The following RAB3B variants were observed in gnomAD, a reference collection of about 807,000 sequenced individuals.
The protein encoded by RAB3B is RAB3B, member RAS oncogene family.
Under a neutral mutation model 20.5 loss-of-function variants are expected in RAB3B, and 11 were observed. That is an observed-to-expected ratio of 0.54 (90% CI 0.34 to 0.89). RAB3B has a LOEUF of 0.89. RAB3B is among the 40% of genes least tolerant of loss of function. The probability of loss-of-function intolerance (pLI) is 0.02; values close to 1 mark genes in which losing one functional copy is unlikely to be tolerated. For missense variants in RAB3B, 225 were observed against 280.9 expected (o/e 0.80, Z 1.42); for synonymous variants, 99 against 106.3 (o/e 0.93, Z 0.42).
intron 4 of RAB3B, among the ~76,000 whole-genome samples, chr1:51,920,336 C>T (rs1684155690): frequency 1.3e-5 from 2 of 152,164 alleles, no homozygotes; most frequent in Non-Finnish European, 2.9e-5. Flanking sequence ...CTACCACCGC[C>T]CAGCTGTTTA....
At position 51,949,398 on chromosome 1, in the gene RAB3B, CAGA is replaced by C. The variant is rs200861088; in HGVS notation, c.229-11989_229-11987del. Among the ~76,000 whole-genome samples the C allele has an allele frequency of 4.3e-4, 66 of 152,334 alleles. 1 individual carries two copies. In the East Asian group the frequency reaches 0.012, roughly 27 times the overall value. On this transcript the variant is annotated intron_variant, in intron 2 of 4. Coordinates refer to ENST00000371655, the MANE Select transcript of RAB3B (RefSeq NM_002867.4). The stretch of plus-strand genomic sequence containing the variant: ...TTTCTCAGTCACTTTGCCAGGCTCA[CAGA>C]AGGAGACACCCCATCAACTCTGGCC...
At chr1:51,989,576 C>G (rs561674098) in intron 1 of RAB3B, among the ~76,000 whole-genome samples, 1 of 151,740 alleles carries the variant, frequency 6.6e-6, no homozygotes, top group African/African-American at 2.4e-5. Context: ...GCCCCACCAC[C>G]CTATCTATAC....
chr1:51,966,140 T>G (rs10888744), intron 2 of RAB3B, among the ~76,000 whole-genome samples: 43,910 of 151,984 alleles, frequency 0.29, 6,642 homozygotes, highest in East Asian at 0.5. Context: ...ACACAAAGGG[T>G]CCTTGAAAGC....
At chr1:51,985,144 C>T (rs1164771755) in intron 1 of RAB3B, among the ~76,000 whole-genome samples, 1 of 152,182 alleles carries the variant, frequency 6.6e-6, no homozygotes, top group African/African-American at 2.4e-5. Context: ...CGTAAACAAT[C>T]TGACACAGTT....
In RAB3B at chr1:51,911,230, G is replaced by A. The variant is rs1234361619; in HGVS notation, c.*8697C>T. The A allele has an allele frequency of 3.9e-5, 6 of 152,174 alleles. No individual in the cohort carries two copies. Among genetic ancestry groups the A allele is most frequent in the Non-Finnish European group, 8.8e-5 (6 of 68,042 alleles). 9.4% of individuals were successfully genotyped at this position (152,174 alleles called of 1,614,324 possible). ...GCCTGTGCTGTCATCAGTGTCCATG[G>A]AGAACTGCTTCTCACCTTGAGAAAT... On this transcript the variant is annotated 3_prime_UTR_variant, in exon 5 of 5. Coordinates refer to ENST00000371655, the MANE Select transcript of RAB3B (RefSeq NM_002867.4).
At chr1:51,941,164 A>G (rs191492643) in intron 2 of RAB3B, among the ~76,000 whole-genome samples, 1 of 152,174 alleles carries the variant, frequency 6.6e-6, no homozygotes, top group East Asian at 1.9e-4. Context: ...CAAGCAGAAA[A>G]GTAAAGGAGT....
At chr1:51,936,829 T>G (rs1203993540) in intron 3 of RAB3B, among the ~76,000 whole-genome samples, 2 of 152,032 alleles carry the variant, frequency 1.3e-5, no homozygotes, top group Non-Finnish European at 2.9e-5. Context: ...TTTTTTTTTT[T>G]TTAAGATAGA....
intron 1 of RAB3B, among the ~76,000 whole-genome samples, chr1:51,981,483 C>T (rs1180251510): frequency 6.6e-6 from 1 of 152,132 alleles, no homozygotes; most frequent in African/African-American, 2.4e-5. Flanking sequence ...CAGAGATAGC[C>T]CTTGCATATA....
chr1:51,949,775 C>T (rs1051505647), intron 2 of RAB3B, among the ~76,000 whole-genome samples: 6 of 152,222 alleles, frequency 3.9e-5, no homozygotes, highest in South Asian at 2.1e-4. Context: ...CCCACAGCTC[C>T]GGGACTGGCT....
chr1:51,922,510 C>A (rs1684185636), intron 4 of RAB3B, among the ~76,000 whole-genome samples: 1 of 152,088 alleles, frequency 6.6e-6, no homozygotes, highest in African/African-American at 2.4e-5. Context: ...AAAATTAAAT[C>A]CATGAAAGTA....
At chr1:51,964,520 C>T (rs1488510905) in intron 2 of RAB3B, among the ~76,000 whole-genome samples, 1 of 152,004 alleles carries the variant, frequency 6.6e-6, no homozygotes, top group Non-Finnish European at 1.5e-5. Context: ...ACTCATTTAT[C>T]CAACTGCTTA....
chr1:51,976,839 G>T (rs1222612177), intron 2 of RAB3B, 51 bp downstream of exon 2: 5 of 1,531,130 alleles, frequency 3.3e-6, no homozygotes, highest in Non-Finnish European at 3.6e-6. Flanking sequence ...CCTTGTACTG[G>T]CAGGCCAGCC....
chr1:51,971,579 C>G (rs947044714), intron 2 of RAB3B, among the ~76,000 whole-genome samples: 25 of 151,972 alleles, frequency 1.6e-4, no homozygotes, highest in African/African-American at 6.0e-4. Flanking sequence ...ATTACAGGAG[C>G]CTGCCACCAC....
chr1:51,960,593 A>G (rs193177315), intron 2 of RAB3B, among the ~76,000 whole-genome samples: 8 of 152,216 alleles, frequency 5.3e-5, no homozygotes. Flanking sequence ...CCTCAGTTGA[A>G]TGGCCTCCCC....
Position 51,977,121 on chromosome 1 carries a change from C to A in RAB3B, c.1-4G>T, listed in dbSNP as rs912010495. On this transcript the variant is annotated splice_polypyrimidine_tract_variant and splice_region_variant and intron_variant, in intron 1 of 4. Transcript: ENST00000371655. ...TACCATCTGTCACTGAAGCCATCTGCAAGAGAGACCTAGAGTCACTCAGGA... is the reference window on the plus strand; with the variant it reads ...TACCATCTGTCACTGAAGCCATCTGAAAGAGAGACCTAGAGTCACTCAGGA... The A allele has an allele frequency of 1.9e-6, 3 of 1,612,362 alleles. No homozygotes were observed. In the Admixed American group the frequency reaches 5.0e-5, roughly 27 times the overall value.
intron 3 of RAB3B, among the ~76,000 whole-genome samples, chr1:51,936,851 T>C (rs1684411173): frequency 6.6e-6 from 1 of 151,970 alleles, no homozygotes. Context: ...TCTCACTCTG[T>C]TGCCCAGGCT....
intron 2 of RAB3B, among the ~76,000 whole-genome samples, chr1:51,946,191 G>T (rs1312448361): frequency 6.6e-6 from 1 of 152,148 alleles, no homozygotes; most frequent in Non-Finnish European, 1.5e-5. Context: ...CCACATGGTA[G>T]GTGCTCAATA....
At chr1:51,968,326 C>G (rs2124299733) in intron 2 of RAB3B, among the ~76,000 whole-genome samples, 1 of 152,272 alleles carries the variant, frequency 6.6e-6, no homozygotes, top group East Asian at 1.9e-4. Flanking sequence ...AATAGAGAAG[C>G]CTATTAGACA....
rs1459578102 is a variant in RAB3B at position 51,917,121 on chromosome 1, A to C, written c.*2806T>G. On this transcript the variant is annotated 3_prime_UTR_variant, in exon 5 of 5. Coordinates refer to ENST00000371655, the MANE Select transcript of RAB3B (RefSeq NM_002867.4). ...AACCTCTTTGTACCTTTGTTTCCTC[A>C]TCTTCAAATGAGGCTCACTATAGTG... The C allele has an allele frequency of 6.6e-6, 1 of 152,152 alleles. No individual in the cohort carries two copies. Among genetic ancestry groups the C allele is most frequent in the East Asian group, 1.9e-4 (1 of 5,200 alleles). The allele number at this position is 152,152 out of a possible 1,614,324, so 9.4% of individuals were successfully genotyped here.
Sources: gnomAD v4.1 joint callset for allele counts (sites outside exome capture counted in the v4.1 genomes callset) on GRCh38, gnomAD v4.1.1 for gene constraint, MANE v1.5 for transcripts, NCBI Gene and HGNC (gene_info 2026-07-23, HGNC 2026-07-21) for gene names.